CARHSP1: variants seen among roughly 807,000 people sequenced by gnomAD.
The protein encoded by CARHSP1 is calcium-regulated heat-stable protein 1.
In CARHSP1, 14 loss-of-function variants were observed where a neutral mutation model predicts 12.5. The ratio of observed to expected loss-of-function variants is 1.12; its 90% confidence interval spans 0.74 to 1.75. The LOEUF (loss-of-function observed/expected upper bound fraction) is 1.75. Among genes scored for constraint, CARHSP1 ranks in the 40% most tolerant of loss-of-function variants. The pLI is 0.00. For missense variants in CARHSP1, 343 were observed against 201.6 expected (o/e 1.70, Z -4.25); for synonymous variants, 161 against 82.0 (o/e 1.96, Z -5.20).
chr16:8,860,358 A>G (rs112581384), intron 1 of CARHSP1: 1 of 985,326 alleles, frequency 1.0e-6, no homozygotes, highest in Admixed American at 6.2e-5. Flanking sequence ...GTACCGGTAA[A>G]TCCAGCTGGA....
At chr16:8,864,333 C>T (rs1001589085) in intron 1 of CARHSP1, among the ~76,000 whole-genome samples, 1 of 152,178 alleles carries the variant, frequency 6.6e-6, no homozygotes, top group African/African-American at 2.4e-5. Context: ...CGCTGGGCAC[C>T]TGTGCTGCCA....
chr16:8,857,263 G>GTTTTTTTT lies in CARHSP1; in HGVS notation c.281+1079_281+1086dup, dbSNP rs756390920. On this transcript the variant is annotated intron_variant, in intron 3 of 3. Coordinates refer to ENST00000311052, the MANE Select transcript of CARHSP1 (RefSeq NM_014316.4). Reference sequence around the variant, plus strand: ...TGGCTATGTGATCTTGGGCAGATCTGTTTTTTTTTTTTTTTTTTTTTTTTT... The same window carrying GTTTTTTTT: ...TGGCTATGTGATCTTGGGCAGATCTGTTTTTTTTTTTTTTTTTTTTTTTTTTTTTTTTT... Among the ~76,000 whole-genome samples, 50 of 57,022 alleles carry GTTTTTTTT rather than the reference G, an allele frequency of 8.8e-4. 5 individuals carry two copies. Among genetic ancestry groups the GTTTTTTTT allele is most frequent in the Non-Finnish European group, 1.4e-3 (38 of 26,892 alleles). 37.4% of individuals were successfully genotyped at this position (57,022 alleles called of 152,430 possible). A position where few individuals can be genotyped will look rare whatever the true frequency, so the allele number is the denominator to read the frequency against.
At position 8,855,060 on chromosome 16, in the gene CARHSP1, G is replaced by T; in HGVS notation, c.*104C>A. 1 of 1,063,274 alleles carries T rather than the reference G, an allele frequency of 9.4e-7. No individual in the cohort carries two copies. Among genetic ancestry groups the T allele is most frequent in the Non-Finnish European group, 1.3e-6 (1 of 780,378 alleles). The allele number at this position is 1,063,274 out of a possible 1,614,324, so 65.9% of individuals were successfully genotyped here. ...AGATACTTGAGAGGGACCATGCCCG[G>T]CTGAAGCCCCGTCTCGTGTGGAAGA... is the stretch of plus-strand genomic sequence containing the variant. On this transcript the variant is annotated 3_prime_UTR_variant, in exon 4 of 4. Coordinates refer to ENST00000311052, the MANE Select transcript of CARHSP1 (RefSeq NM_014316.4).
chr16:8,867,981 G>A (rs953526212), intron 1 of CARHSP1: 2 of 152,274 alleles, frequency 1.3e-5, no homozygotes, highest in Non-Finnish European at 2.9e-5. Flanking sequence ...AAATGACAGG[G>A]GCAAGCAAGA....
In CARHSP1 at chr16:8,853,752, C is replaced by G. The variant is rs768512169; in HGVS notation, c.*1412G>C. On this transcript the variant is annotated 3_prime_UTR_variant, in exon 4 of 4. Transcript: ENST00000311052. The stretch of plus-strand genomic sequence containing the variant: ...GACTAAAGCCAAACCACAACCACAG[C>G]AAAGATAACCTAAGGATTTGTTTAC... 1 of 152,146 alleles carries G rather than the reference C, an allele frequency of 6.6e-6. No homozygotes were observed. The highest frequency in any genetic ancestry group is 2.4e-5 in the African/African-American group (1 of 41,422). The allele number at this position is 152,146 out of a possible 1,614,324, so 9.4% of individuals were successfully genotyped here. A position where few individuals can be genotyped will look rare whatever the true frequency, so the allele number is the denominator to read the frequency against.
intron 1 of CARHSP1, chr16:8,866,548 T>A: frequency 1.3e-6 from 1 of 782,782 alleles, no homozygotes; most frequent in African/African-American, 1.9e-5. Context: ...GCGGGGCGGG[T>A]CAGCTGAGCC....
At chr16:8,868,451 C>A (rs1263898975) in intron 1 of CARHSP1, 1 of 151,586 alleles carries the variant, frequency 6.6e-6, no homozygotes, top group South Asian at 2.1e-4. Flanking sequence ...CCCGGCGGCT[C>A]CTCCTCCCCC....
At position 8,853,455 on chromosome 16, in the gene CARHSP1, C is replaced by G. The variant is rs1216892700; in HGVS notation, c.*1709G>C. 6.6e-6 allele frequency: 1 copy of G among 152,108 alleles called. No homozygotes were observed. The highest frequency in any genetic ancestry group is 1.5e-5 in the Non-Finnish European group (1 of 68,046). 9.4% of individuals were successfully genotyped at this position (152,108 alleles called of 1,614,324 possible). On this transcript the variant is annotated 3_prime_UTR_variant, in exon 4 of 4. Coordinates refer to ENST00000311052, the MANE Select transcript of CARHSP1 (RefSeq NM_014316.4). ...AGGACCTAACTGTGGTGGGAACTGCCTTTGTCTCCACACACTCGCAATCAA... is the reference window on the plus strand; with the variant it reads ...AGGACCTAACTGTGGTGGGAACTGCGTTTGTCTCCACACACTCGCAATCAA...
chr16:8,855,035 A>G lies in CARHSP1; in HGVS notation c.*129T>C. Reference sequence around the variant, plus strand: ...TGCCCCCCATACCCCTTCCTCCAGGAGATACTTGAGAGGGACCATGCCCGG... The same window carrying G: ...TGCCCCCCATACCCCTTCCTCCAGGGGATACTTGAGAGGGACCATGCCCGG... On this transcript the variant is annotated 3_prime_UTR_variant, in exon 4 of 4. Coordinates refer to ENST00000311052, the MANE Select transcript of CARHSP1 (RefSeq NM_014316.4). 9.2e-6 allele frequency: 5 copies of G among 542,702 alleles called. No individual in the cohort carries two copies. In the South Asian group the frequency reaches 9.5e-5, roughly 10 times the overall value. 33.6% of individuals were successfully genotyped at this position (542,702 alleles called of 1,614,324 possible). A position where few individuals can be genotyped will look rare whatever the true frequency, so the allele number is the denominator to read the frequency against.
At chr16:8,860,321 T>C (rs947871848) in intron 1 of CARHSP1, 10 of 985,148 alleles carry the variant, frequency 1.0e-5, no homozygotes, top group Non-Finnish European at 1.2e-5. Context: ...TGTTATGAAA[T>C]CAAATTCCTT....
At chr16:8,858,253 C>G in intron 3 of CARHSP1, 97 bp downstream of exon 3, 1 of 1,420,536 alleles carries the variant, frequency 7.0e-7, no homozygotes, top group Non-Finnish European at 9.5e-7. Context: ...TTCGTCCTCA[C>G]ACCCAGCGCC....
At chr16:8,863,136 T>C (rs371454183) in intron 1 of CARHSP1, among the ~76,000 whole-genome samples, 58 of 127,636 alleles carry the variant, frequency 4.5e-4, no homozygotes, top group South Asian at 1.0e-3. Context: ...TTTTTTTTTT[T>C]TCAGATAGGA....
intron 3 of CARHSP1, 182 bp downstream of exon 3, chr16:8,858,168 A>C: frequency 1.4e-6 from 1 of 709,294 alleles, no homozygotes; most frequent in Non-Finnish European, 2.3e-6. Context: ...GTAGAGTCTC[A>C]CAACCCCAAC....
intron 1 of CARHSP1, among the ~76,000 whole-genome samples, chr16:8,863,579 G>T (rs1455302444): frequency 6.6e-6 from 1 of 152,184 alleles, no homozygotes; most frequent in Non-Finnish European, 1.5e-5. Flanking sequence ...AGGGGCGGGG[G>T]CAGTGCCAAC....
intron 1 of CARHSP1, among the ~76,000 whole-genome samples, chr16:8,865,161 T>C (rs543364454): frequency 8.5e-5 from 13 of 152,288 alleles, no homozygotes; most frequent in African/African-American, 2.9e-4. Flanking sequence ...CAGGATGGAG[T>C]GCAGTGGCAC....
chr16:8,859,315 G>T lies in CARHSP1; in HGVS notation c.14C>A (p.Pro5His). 6.2e-7 allele frequency: 1 copy of T among 1,601,644 alleles called. No individual in the cohort carries two copies. The highest frequency in any genetic ancestry group is 8.5e-7 in the Non-Finnish European group (1 of 1,178,610). ...GGTGGGGGGCTGTGGTGGTGGGGGA[G>T]GCTCAGATGACATGGCTGACCTGGA... MSSEPPPPPQPPTHQ... is the reference protein window; with the variant it reads MSSEHPPPPQPPTHQ... Residue 5 changes from proline to histidine, a missense_variant, in exon 2 of 4, where the codon CCT (proline) becomes CAT (histidine). Physicochemically the swap from Pro to His is moderately conservative, Grantham distance 77. Coordinates refer to ENST00000311052, the MANE Select transcript of CARHSP1 (RefSeq NM_014316.4).
chr16:8,862,426 C>A (rs1369235462), intron 1 of CARHSP1, among the ~76,000 whole-genome samples: 2 of 152,178 alleles, frequency 1.3e-5, no homozygotes, highest in Non-Finnish European at 2.9e-5. Flanking sequence ...TCAACAGACA[C>A]GTGCCCAATA....
chr16:8,856,397 C>G (rs1404476218), intron 3 of CARHSP1, among the ~76,000 whole-genome samples: 2 of 152,204 alleles, frequency 1.3e-5, no homozygotes, highest in Middle Eastern at 3.2e-3. Flanking sequence ...CGAGGGAGCT[C>G]AGAAATAAAT....
chr16:8,864,564 C>A (rs1161688562), intron 1 of CARHSP1, among the ~76,000 whole-genome samples: 1 of 152,208 alleles, frequency 6.6e-6, no homozygotes. Flanking sequence ...CTAACAAAGA[C>A]CCTGGTGAAA....
Sources: gnomAD v4.1 joint callset for allele counts (sites outside exome capture counted in the v4.1 genomes callset) on GRCh38, gnomAD v4.1.1 for gene constraint, MANE v1.5 for transcripts, NCBI Gene and HGNC (gene_info 2026-07-23, HGNC 2026-07-21) for gene names.